CREBBP: variants seen among roughly 807,000 people sequenced by gnomAD.
CREBBP encodes CREB-binding protein.
A neutral mutation model predicts 265.0 loss-of-function variants in CREBBP; 19 were observed. That is an observed-to-expected ratio of 0.07 (90% CI 0.05 to 0.11). CREBBP has a LOEUF of 0.11. CREBBP is among the 10% of genes least tolerant of loss of function. The pLI is 1.00. For missense variants in CREBBP, 2,525 were observed against 3,219.0 expected (o/e 0.78, Z 5.22); for synonymous variants, 1,457 against 1,223.7 (o/e 1.19, Z -3.98).
intron 14 of CREBBP, among the ~76,000 whole-genome samples, chr16:3,770,044 T>A (rs567142657): frequency 6.6e-6 from 1 of 152,140 alleles, no homozygotes; most frequent in Non-Finnish European, 1.5e-5. Flanking sequence ...CTAATTTTTA[T>A]ATTTTTGTAG....
At chr16:3,815,530 C>CAA (rs1031380875) in intron 2 of CREBBP, among the ~76,000 whole-genome samples, 107 of 51,740 alleles carry the variant, frequency 2.1e-3, no homozygotes, top group African/African-American at 5.3e-3. Flanking sequence ...GACTCCATCT[C>CAA]AAAAAAAAAA....
chr16:3,839,818 G>GGAAA (rs921161352), intron 2 of CREBBP, among the ~76,000 whole-genome samples: 1 of 148,998 alleles, frequency 6.7e-6, no homozygotes, highest in African/African-American at 2.5e-5. Context: ...AAGAAAGAAA[G>GGAAA]GAAAGAAAGA....
intron 1 of CREBBP, among the ~76,000 whole-genome samples, chr16:3,865,071 A>G (rs2055150262): frequency 6.6e-6 from 1 of 152,190 alleles, no homozygotes; most frequent in South Asian, 2.1e-4. Context: ...AAAAAAAAAG[A>G]ATATCTGCAA....
chr16:3,880,010 G>A lies in CREBBP; in HGVS notation c.-94C>T, dbSNP rs1023239753. Reference sequence around the variant, plus strand: ...GGGGCCCTGCCGGCTGCGAGGGAGAGGAGCGAGCGCGGGCCGCGAGCGGGC... The same window carrying A: ...GGGGCCCTGCCGGCTGCGAGGGAGAAGAGCGAGCGCGGGCCGCGAGCGGGC... On this transcript the variant is annotated 5_prime_UTR_variant, in exon 1 of 31. Coordinates refer to ENST00000262367, the MANE Select transcript of CREBBP (RefSeq NM_004380.3). 4 of 1,129,408 alleles carry A rather than the reference G, an allele frequency of 3.5e-6. No individual in the cohort carries two copies. Among genetic ancestry groups the A allele is most frequent in the African/African-American group, 1.7e-5 (1 of 60,160 alleles). The allele number at this position is 1,129,408 out of a possible 1,614,324, so 70.0% of individuals were successfully genotyped here.
intron 1 of CREBBP, among the ~76,000 whole-genome samples, chr16:3,871,195 TCACTCA>T (rs1261347648): frequency 0.017 from 1,356 of 78,862 alleles, 11 homozygotes; most frequent in African/African-American, 0.026. Flanking sequence ...TCTCTCTCTC[TCACTCA>T]CACACACACA....
rs794727401 is a variant in CREBBP, at chr16:3,739,579, T to C, written c.4279A>G (p.Arg1427Gly). ...YGSDCPPPNTRRVYISYLDSI... is the reference protein window; with the variant it reads ...YGSDCPPPNTGRVYISYLDSI... ...CCCTGGAAGGAGCTGGAAAACTACC[T>C]CGTGTTTGGAGGGGGGCAATCAGAG... The change falls in exon 25 of 31, where the codon AGG becomes GGG. Residue 1427 changes from arginine to glycine, a missense_variant and splice_region_variant. Physicochemically the swap from Arg to Gly is moderately radical, Grantham distance 125 (BLOSUM62 -2). Transcript: ENST00000262367. 6.2e-7 allele frequency: 1 copy of C among 1,614,082 alleles called. No homozygotes were observed. Among genetic ancestry groups the C allele is most frequent in the Non-Finnish European group, 8.5e-7 (1 of 1,180,018 alleles).
intron 27 of CREBBP, 133 bp downstream of exon 27, chr16:3,736,517 G>A (rs997841282): frequency 1.5e-6 from 2 of 1,344,310 alleles, no homozygotes; most frequent in African/African-American, 2.9e-5. Flanking sequence ...TCTCACTTTA[G>A]GCTTTTATTT....
At chr16:3,873,946 T>A (rs1345370535) in intron 1 of CREBBP, among the ~76,000 whole-genome samples, 1 of 152,132 alleles carries the variant, frequency 6.6e-6, no homozygotes, top group African/African-American at 2.4e-5. Flanking sequence ...GCCTACTATG[T>A]GTCAGGCACT....
At chr16:3,759,813 T>G (rs1202579956) in intron 16 of CREBBP, among the ~76,000 whole-genome samples, 6 of 152,216 alleles carry the variant, frequency 3.9e-5, no homozygotes, top group Admixed American at 2.6e-4. Context: ...GACACCTTAC[T>G]GCCTACTACA....
Position 3,726,162 on chromosome 16 carries a change from G to A in CREBBP, c.*1556C>T, listed in dbSNP as rs959934178. 3 of 232,562 alleles carry A rather than the reference G, an allele frequency of 1.3e-5. No homozygotes were observed. The highest frequency in any genetic ancestry group is 2.2e-5 in the African/African-American group (1 of 45,242). 14.4% of individuals were successfully genotyped at this position (232,562 alleles called of 1,614,324 possible). On this transcript the variant is annotated 3_prime_UTR_variant, in exon 31 of 31. Coordinates refer to ENST00000262367, the MANE Select transcript of CREBBP (RefSeq NM_004380.3). ...CACACGGGACATGCTGCGCGGCAGC[G>A]GCAGGATTTGGGGGGAAGTCAGAAA...
At chr16:3,779,812 A>T (rs909578475) in intron 8 of CREBBP, among the ~76,000 whole-genome samples, 1 of 152,250 alleles carries the variant, frequency 6.6e-6, no homozygotes. Context: ...TAAAATAACT[A>T]GCTCAACAAC....
At position 3,758,102 on chromosome 16, in the gene CREBBP, C is replaced by T. The variant is rs889397852; in HGVS notation, c.3370-54G>A. ...AGGGAATCCCCCAATATCCAAATGC[C>T]AGTCTCATCTGGCAGCTTTGTTTTA... On this transcript the variant is annotated intron_variant, in intron 17 of 30. Transcript: ENST00000262367. The T allele has an allele frequency of 1.9e-6, 3 of 1,595,770 alleles. No homozygotes were observed. In the African/African-American group the frequency reaches 4.0e-5, roughly 22 times the overall value.
At chr16:3,757,714 C>T in intron 18 of CREBBP, 95 bp downstream of exon 18, 1 of 1,537,666 alleles carries the variant, frequency 6.5e-7, no homozygotes, top group Admixed American at 1.7e-5. Context: ...CACATATGCA[C>T]TCCCAGTATA....
chr16:3,773,937 G>A lies in CREBBP; in HGVS notation c.2284-7C>T, dbSNP rs369847086. ...GGGAAGGAGAAATGGCCATCTACGA[G>A]ACAACAAGCACCACCAGAGCTGTAG... On this transcript the variant is annotated splice_polypyrimidine_tract_variant and splice_region_variant and intron_variant, in intron 12 of 30. Coordinates refer to ENST00000262367, the MANE Select transcript of CREBBP (RefSeq NM_004380.3). 8 of 1,612,078 alleles carry A rather than the reference G, an allele frequency of 5.0e-6. No homozygotes were observed. The African/African-American group carries it at 9.4e-5, about 19-fold the overall frequency.
chr16:3,847,355 T>C (rs2141472447), intron 2 of CREBBP, among the ~76,000 whole-genome samples: 1 of 152,358 alleles, frequency 6.6e-6, no homozygotes, highest in South Asian at 2.1e-4. Context: ...AAAGCGCCTT[T>C]TCCCTGTGCA....
chr16:3,760,939 G>GT (rs544397165), intron 16 of CREBBP, among the ~76,000 whole-genome samples: 108 of 152,076 alleles, frequency 7.1e-4, no homozygotes, highest in Admixed American at 2.2e-3. Context: ...GGCCTGGTCT[G>GT]TTTTTTGTAT....
intron 3 of CREBBP, among the ~76,000 whole-genome samples, chr16:3,801,669 TA>T (rs560780116): frequency 6.6e-6 from 1 of 150,870 alleles, no homozygotes; most frequent in South Asian, 2.1e-4. Flanking sequence ...ACATTCTGTC[TA>T]AAAAAAAACA....
chr16:3,808,991 GCT>G (rs1298003506), intron 3 of CREBBP, among the ~76,000 whole-genome samples: 5 of 152,168 alleles, frequency 3.3e-5, no homozygotes, highest in African/African-American at 9.7e-5. Context: ...GGTCCTCTGG[GCT>G]CTGTTTCAGG....
chr16:3,743,961 A>G (rs1025826875), intron 23 of CREBBP, among the ~76,000 whole-genome samples: 2 of 152,066 alleles, frequency 1.3e-5, no homozygotes, highest in South Asian at 2.1e-4. Flanking sequence ...CTGTAGTCCC[A>G]GCTACTCGGG....
Sources: allele counts gnomAD v4.1 joint callset (sites outside exome capture counted in the v4.1 genomes callset), GRCh38; gene constraint gnomAD v4.1.1; transcripts MANE v1.5; gene names NCBI Gene and HGNC (gene_info 2026-07-23, HGNC 2026-07-21).